The following AKNAD1 variants were observed in gnomAD, a reference collection of about 807,000 sequenced individuals.
AKNAD1 encodes the protein protein AKNAD1.
A neutral mutation model predicts 90.8 loss-of-function variants in AKNAD1; 67 were observed. That is an observed-to-expected ratio of 0.74 (90% CI 0.61 to 0.90). The LOEUF (loss-of-function observed/expected upper bound fraction) is 0.90, where lower values mean the gene tolerates loss of function less well. AKNAD1 is among the 40% of genes least tolerant of loss of function. The pLI is 0.00. For missense variants in AKNAD1, 957 were observed against 975.4 expected, an observed-to-expected ratio of 0.98 and a Z score of 0.25; for synonymous variants, 327 against 341.4, an observed-to-expected ratio of 0.96 and a Z score of 0.46.
intron 2 of AKNAD1, among the ~76,000 whole-genome samples, chr1:108,850,379 T>C (rs986098210): frequency 6.6e-6 from 1 of 152,164 alleles, no homozygotes; most frequent in East Asian, 1.9e-4. Flanking sequence ...GAGAAGAGCC[T>C]GATATCCATC....
intron 14 of AKNAD1, among the ~76,000 whole-genome samples, chr1:108,819,455 CAAA>C (rs34501326): frequency 1.5e-5 from 2 of 130,368 alleles, no homozygotes; most frequent in Non-Finnish European, 1.6e-5. Context: ...CCATCTCTAC[CAAA>C]AAAAAAAAAA....
chr1:108,826,306 G>A (rs779171338), intron 11 of AKNAD1, among the ~76,000 whole-genome samples: 1 of 151,626 alleles, frequency 6.6e-6, no homozygotes, highest in African/African-American at 2.4e-5. Context: ...CATAAGCTGG[G>A]GAGACAAGCT....
rs541722366 is a variant in AKNAD1, at chr1:108,833,687, TA to T, written c.1746+759del. Among the ~76,000 whole-genome samples, 969 of 148,580 alleles carry T rather than the reference TA, an allele frequency of 6.5e-3. 13 individuals are homozygous for T. Among genetic ancestry groups the T allele is most frequent in the African/African-American group, 0.023 (910 of 39,662 alleles). ...ATAAGCATGTATCAGTTTTATAATTTAAAAAAAAAGGGTTTTTTCATCCATT... is the reference window on the plus strand; with the variant it reads ...ATAAGCATGTATCAGTTTTATAATTTAAAAAAAAGGGTTTTTTCATCCATT... On this transcript the variant is annotated intron_variant, in intron 9 of 15. Coordinates refer to ENST00000370001, the MANE Select transcript of AKNAD1 (RefSeq NM_152763.5).
At chr1:108,832,211 C>CTTTTTT (rs35868464) in intron 9 of AKNAD1, among the ~76,000 whole-genome samples, 55 of 91,662 alleles carry the variant, frequency 6.0e-4, no homozygotes, top group Non-Finnish European at 7.3e-4. Flanking sequence ...ATGCTGTGTT[C>CTTTTTT]TTTTTTTTTT....
intron 8 of AKNAD1, 50 bp downstream of exon 8, chr1:108,834,879 G>A: frequency 2.0e-6 from 3 of 1,495,726 alleles, no homozygotes; most frequent in South Asian, 1.4e-5. Context: ...ATGAGGAAGG[G>A]GCCTCTTTCT....
chr1:108,852,925 TG>T (rs763965367), intron 1 of AKNAD1, among the ~76,000 whole-genome samples, 158 bp from the exon 2 acceptor site: 9 of 151,822 alleles, frequency 5.9e-5, no homozygotes, highest in Non-Finnish European at 7.4e-5. Context: ...ATCCACACTA[TG>T]TTAACACAAT....
rs1204822924 is a variant in AKNAD1, at chr1:108,852,225, A to G, written c.440T>C (p.Ile147Thr). The change falls in exon 2 of 16, where the codon ATT becomes ACT. Residue 147 changes from isoleucine to threonine, a missense_variant. Physicochemically the swap from Ile to Thr is moderately conservative, Grantham distance 89. Transcript: ENST00000370001. ...SNADSFEEEA[I>T]IKSIISCYNK... ...ATAACATGAAATAATACTTTTAATA[A>G]TAGCTTCCTCTTCAAAACTGTCGGC... The G allele has an allele frequency of 1.2e-6, 2 of 1,613,406 alleles. No homozygotes were observed. The highest frequency in any genetic ancestry group is 1.7e-6 in the Non-Finnish European group (2 of 1,179,706).
At chr1:108,830,783 C>G (rs2101178872) in intron 9 of AKNAD1, 133 bp from the exon 10 acceptor site, 1 of 774,750 alleles carries the variant, frequency 1.3e-6, no homozygotes, top group East Asian at 2.7e-5. Flanking sequence ...CGCCAAACCT[C>G]TCCTCCAGTT....
chr1:108,845,223 A>G (rs1664670774), intron 5 of AKNAD1, among the ~76,000 whole-genome samples: 1 of 152,226 alleles, frequency 6.6e-6, no homozygotes, highest in African/African-American at 2.4e-5. Flanking sequence ...ATTTCTCCCC[A>G]GGTTCATCCT....
intron 5 of AKNAD1, among the ~76,000 whole-genome samples, chr1:108,846,872 G>C (rs536124675): frequency 6.6e-6 from 1 of 151,958 alleles, no homozygotes; most frequent in African/African-American, 2.4e-5. Context: ...CTTGCCTCCT[G>C]CTTGCCTTCC....
intron 11 of AKNAD1, among the ~76,000 whole-genome samples, chr1:108,824,187 G>C (rs951441097): frequency 6.6e-6 from 1 of 152,192 alleles, no homozygotes; most frequent in Non-Finnish European, 1.5e-5. Context: ...TAGCCTCAAA[G>C]AAGCTAGTAG....
At chr1:108,817,658 C>T (rs1029747288) in intron 14 of AKNAD1, among the ~76,000 whole-genome samples, 3 of 151,346 alleles carry the variant, frequency 2.0e-5, no homozygotes, top group African/African-American at 4.9e-5. Context: ...CCCGCCACCA[C>T]GCCCGGCTAA....
intron 2 of AKNAD1, among the ~76,000 whole-genome samples, chr1:108,851,448 A>AATTT (rs1230179722): frequency 6.6e-6 from 1 of 152,086 alleles, no homozygotes; most frequent in Admixed American, 6.5e-5. Flanking sequence ...CGGCTTGCGG[A>AATTT]ATTTGGATTT....
At chr1:108,841,698 G>A (rs990580773) in intron 6 of AKNAD1, among the ~76,000 whole-genome samples, 6 of 152,078 alleles carry the variant, frequency 3.9e-5, no homozygotes, top group African/African-American at 1.4e-4. Flanking sequence ...TAAGGTTCTC[G>A]ACATATCAAG....
intron 9 of AKNAD1, among the ~76,000 whole-genome samples, chr1:108,832,211 C>CTTTTTTTTTT (rs35868464): frequency 1.1e-5 from 1 of 91,694 alleles, no homozygotes; most frequent in Non-Finnish European, 2.1e-5. Context: ...ATGCTGTGTT[C>CTTTTTTTTTT]TTTTTTTTTT....
upstream of AKNAD1, among the ~76,000 whole-genome samples, chr1:108,857,858 T>C (rs1436311709): frequency 6.6e-6 from 1 of 152,250 alleles, no homozygotes; most frequent in Non-Finnish European, 1.5e-5. Flanking sequence ...AGGCAATGAT[T>C]CAACAATCTA....
chr1:108,817,252 G>A (rs969946336), intron 14 of AKNAD1, 75 bp from the exon 15 acceptor site: 1 of 1,575,426 alleles, frequency 6.3e-7, no homozygotes, highest in Admixed American at 1.8e-5. Context: ...TCAGCTCTGT[G>A]GTAGGTAATG....
intron 7 of AKNAD1, 137 bp from the exon 8 acceptor site, chr1:108,835,193 C>T (rs1419945122): frequency 1.1e-6 from 1 of 918,916 alleles, no homozygotes; most frequent in Non-Finnish European, 1.6e-6. Flanking sequence ...CTGTCTCCCC[C>T]AGCTCTTTAC....
In AKNAD1 at chr1:108,852,654, G is replaced by A; in HGVS notation, c.11C>T (p.Ala4Val). Residue 4 changes from alanine (A) to valine (V), a missense_variant, in exon 2 of 16, where the codon GCT (alanine) becomes GTT (valine). Physicochemically the swap from Ala to Val is moderately conservative, Grantham distance 64. Transcript: ENST00000370001. MDE[A>V]DFSEHTTYKQ... ...ATAAGTCGTGTGTTCTGAAAAATCAGCCTCATCCATGTGTGTGCAGCCCGA... is the reference window on the plus strand; with the variant it reads ...ATAAGTCGTGTGTTCTGAAAAATCAACCTCATCCATGTGTGTGCAGCCCGA... 1 of 1,580,226 alleles carries A rather than the reference G, an allele frequency of 6.3e-7. No homozygotes were observed. The highest frequency in any genetic ancestry group is 8.6e-7 in the Non-Finnish European group (1 of 1,164,936).
Sources: gnomAD v4.1 joint callset for allele counts (sites outside exome capture counted in the v4.1 genomes callset) on GRCh38, gnomAD v4.1.1 for gene constraint, MANE v1.5 for transcripts, NCBI Gene and HGNC (gene_info 2026-07-23, HGNC 2026-07-21) for gene names.